The following PTGR1 variants were observed in gnomAD, a reference collection of about 807,000 sequenced individuals.
PTGR1 encodes 15-oxoprostaglandin 13-reductase.
A neutral mutation model predicts 37.7 loss-of-function variants in PTGR1; 23 were observed. The ratio of observed to expected loss-of-function variants is 0.61; its 90% CI spans 0.44 to 0.86. The LOEUF (loss-of-function observed/expected upper bound fraction) is 0.86, where lower values mean the gene tolerates loss of function less well. Among genes scored for constraint, PTGR1 ranks in the 40% least tolerant of loss-of-function variants. PTGR1 has a pLI of 0.00. For missense variants in PTGR1, 351 were observed against 394.3 expected (o/e 0.89, Z 0.93); for synonymous variants, 134 against 140.0 (o/e 0.96, Z 0.30).
chr9:111,570,141 C>T lies in PTGR1; in HGVS notation c.829G>A (p.Gly277Arg). The T allele has an allele frequency of 1.2e-6, 2 of 1,614,138 alleles. No individual in the cohort carries two copies. Among genetic ancestry groups the T allele is most frequent in the South Asian group, 1.1e-5 (1 of 91,078 alleles). Reference sequence around the variant, plus strand: ...TTCAGAGCTTTTTGGCGGGCATCTCCTTGCCAGCGGTAGACGACAAAAGCT... The same window carrying T: ...TTCAGAGCTTTTTGGCGGGCATCTCTTTGCCAGCGGTAGACGACAAAAGCT... ...MEAFVVYRWQGDARQKALKDL... is the reference protein window; with the variant it reads ...MEAFVVYRWQRDARQKALKDL... The change falls in exon 9 of 10, where the codon GGA becomes AGA. Residue 277 changes from glycine to arginine, a missense_variant. Gly to Arg is a moderately radical substitution (Grantham distance 125). Coordinates refer to ENST00000407693, the MANE Select transcript of PTGR1 (RefSeq NM_001146108.2).
intron 4 of PTGR1, among the ~76,000 whole-genome samples, chr9:111,588,213 T>A (rs1261865461): frequency 6.7e-6 from 1 of 150,184 alleles, no homozygotes; most frequent in Non-Finnish European, 1.5e-5. Context: ...TTTTTTTTTT[T>A]TGAGACGGAG....
At chr9:111,583,891 G>T (rs77808982) in intron 5 of PTGR1, among the ~76,000 whole-genome samples, 2,670 of 152,210 alleles carry the variant, frequency 0.018, 85 homozygotes, top group African/African-American at 0.062. Flanking sequence ...CAAACTTTGG[G>T]GATTCAAGAA....
intron 1 of PTGR1, among the ~76,000 whole-genome samples, chr9:111,598,482 C>A (rs909405581): frequency 6.6e-6 from 1 of 152,138 alleles, no homozygotes; most frequent in Non-Finnish European, 1.5e-5. Context: ...GTTGTTCCTT[C>A]TTTTCTTTTT....
chr9:111,561,783 G>A (rs900204144), downstream of PTGR1, among the ~76,000 whole-genome samples: 1 of 151,444 alleles, frequency 6.6e-6, no homozygotes, highest in Admixed American at 6.6e-5. Context: ...CAAGCAATAG[G>A]GGTGGTAATC....
At chr9:111,561,646 G>A (rs1205800150), downstream of PTGR1, among the ~76,000 whole-genome samples, 1 of 152,128 alleles carries the variant, frequency 6.6e-6, no homozygotes, top group Non-Finnish European at 1.5e-5. Flanking sequence ...TATCTTTTGT[G>A]CAGCTCTGTG....
chr9:111,551,400 G>GTTTTTTTTTT (rs58638722), intron 9 of PTGR1, among the ~76,000 whole-genome samples: 5 of 74,432 alleles, frequency 6.7e-5, no homozygotes, highest in East Asian at 4.5e-4. Flanking sequence ...TCCAGTTTTT[G>GTTTTTTTTTT]TTTTTTTTTT....
intron 9 of PTGR1, among the ~76,000 whole-genome samples, chr9:111,568,096 C>T (rs959646401): frequency 2.0e-5 from 3 of 152,164 alleles, no homozygotes; most frequent in East Asian, 3.9e-4. Context: ...AGAATAACAG[C>T]GATTTTCAGG....
At position 111,591,814 on chromosome 9, in the gene PTGR1, G is replaced by A. The variant is rs149847172; in HGVS notation, c.209+1112C>T. Reference sequence around the variant, plus strand: ...GCAGACCCCCTGAAACTATTGCTACGGAATAAAAGATGAAATGCTCCTGAT... The same window carrying A: ...GCAGACCCCCTGAAACTATTGCTACAGAATAAAAGATGAAATGCTCCTGAT... On this transcript the variant is annotated intron_variant, in intron 4 of 9. Transcript: ENST00000407693. 4.2e-3 allele frequency among the ~76,000 whole-genome samples: 641 copies of A among 152,178 alleles called. 4 individuals carry two copies. Among genetic ancestry groups the A allele is most frequent in the African/African-American group, 0.014 (594 of 41,524 alleles).
intron 4 of PTGR1, among the ~76,000 whole-genome samples, chr9:111,589,720 C>T (rs990604462): frequency 6.6e-6 from 1 of 152,060 alleles, no homozygotes; most frequent in Non-Finnish European, 1.5e-5. Context: ...TCACTGCAAC[C>T]TCCTCCTTGG....
Position 111,562,948 on chromosome 9 carries a change from T to G in PTGR1, c.*173A>C. Reference sequence around the variant, plus strand: ...GACTGGTTGTTGTTGACTTTGAAACTTCCATCCTCCATCACTAATTACATA... The same window carrying G: ...GACTGGTTGTTGTTGACTTTGAAACGTCCATCCTCCATCACTAATTACATA... On this transcript the variant is annotated 3_prime_UTR_variant, in exon 10 of 10. Transcript: ENST00000407693. The G allele has an allele frequency of 7.2e-7, 1 of 1,390,716 alleles. No individual in the cohort carries two copies. Among genetic ancestry groups the G allele is most frequent in the Non-Finnish European group, 9.3e-7 (1 of 1,075,058 alleles). The allele number at this position is 1,390,716 out of a possible 1,614,324, so 86.1% of individuals were successfully genotyped here. A position where few individuals can be genotyped will look rare whatever the true frequency, so the allele number is the denominator to read the frequency against.
At chr9:111,552,477 A>T (rs1044654545) in intron 9 of PTGR1, among the ~76,000 whole-genome samples, 6 of 152,226 alleles carry the variant, frequency 3.9e-5, no homozygotes, top group Non-Finnish European at 7.3e-5. Flanking sequence ...TTGCTTTAAA[A>T]TTCCAACATG....
intron 6 of PTGR1, 140 bp downstream of exon 6, chr9:111,583,332 C>T (rs1315518469): frequency 2.9e-6 from 2 of 697,160 alleles, no homozygotes; most frequent in African/African-American, 3.5e-5. Flanking sequence ...TTTCCCCATT[C>T]CTCCAATTTC....
chr9:111,589,351 A>G, intron 4 of PTGR1: 4 of 884,240 alleles, frequency 4.5e-6, no homozygotes, highest in Non-Finnish European at 5.4e-6. Flanking sequence ...AGATCCATAG[A>G]CGATTTCTAC....
downstream of PTGR1, among the ~76,000 whole-genome samples, chr9:111,560,636 CAAA>C (rs1015199330): frequency 7.6e-5 from 2 of 26,294 alleles, no homozygotes; most frequent in East Asian, 1.2e-3. Context: ...GACACCATCT[CAAA>C]AAAAAAAAAA....
Position 111,589,698 on chromosome 9 carries a change from C to T in PTGR1, c.209+3228G>A, listed in dbSNP as rs928161904. On this transcript the variant is annotated intron_variant, in intron 4 of 9. Coordinates refer to ENST00000407693, the MANE Select transcript of PTGR1 (RefSeq NM_001146108.2). ...ATCATCCAAAGCTGGAGTGCAATGG[C>T]GCGATCTCTGCTCACTGCAACCTCC... 5.3e-5 allele frequency among the ~76,000 whole-genome samples: 8 copies of T among 151,842 alleles called. No homozygotes were observed. In the South Asian group the frequency reaches 8.3e-4, roughly 16 times the overall value.
At chr9:111,563,810 T>G (rs1828424811) in intron 9 of PTGR1, 1 of 152,372 alleles carries the variant, frequency 6.6e-6, no homozygotes, top group Admixed American at 6.5e-5. Context: ...CCAGAGCGAT[T>G]AAGCAATTTC....
downstream of PTGR1, among the ~76,000 whole-genome samples, chr9:111,560,968 TATATATAGAGAG>T (rs1402494680): frequency 7.5e-5 from 3 of 40,066 alleles, 1 homozygote; most frequent in African/African-American, 1.1e-4. Context: ...TATATATATA[TATATATAGAGAG>T]AGAGAGAGAG....
chr9:111,597,921 C>G (rs10817193), intron 1 of PTGR1, among the ~76,000 whole-genome samples: 89,511 of 151,842 alleles, frequency 0.59, 26,499 homozygotes, highest in East Asian at 0.65. Flanking sequence ...GAAACAGCCA[C>G]GCATTTCAAG....
Position 111,583,545 on chromosome 9 carries a change from C to G in PTGR1, c.422G>C (p.Gly141Ala). The G allele has an allele frequency of 6.2e-7, 1 of 1,614,098 alleles. No homozygotes were observed. ...TGCATTAACCATCACTGTTTCTCCA[C>G]CCTTCACACCACAGATTTCAAGTAG... ...FGLLEICGVK[G>A]GETVMVNAAA... is the part of the protein sequence containing the mutation. The change falls in exon 6 of 10, where the codon GGT becomes GCT. Residue 141 changes from glycine to alanine, a missense_variant. Gly to Ala is a moderately conservative substitution (Grantham distance 60, BLOSUM62 0). Coordinates refer to ENST00000407693, the MANE Select transcript of PTGR1 (RefSeq NM_001146108.2).
Sources: allele counts gnomAD v4.1 joint callset (sites outside exome capture counted in the v4.1 genomes callset), GRCh38; gene constraint gnomAD v4.1.1; transcripts MANE v1.5; gene names NCBI Gene and HGNC (gene_info 2026-07-23, HGNC 2026-07-21).